LGSN: variants seen among roughly 807,000 people sequenced by gnomAD.
The protein encoded by LGSN is lengsin.
A neutral mutation model predicts 19.5 loss-of-function variants in LGSN; 21 were observed. The ratio of observed to expected loss-of-function variants is 1.07; its 90% CI spans 0.76 to 1.55. The LOEUF is 1.55. Ranked by LOEUF, LGSN falls within the 40% of genes most tolerant of loss-of-function variation. The probability of loss-of-function intolerance (pLI) is 0.00; values close to 1 mark genes in which losing one functional copy is unlikely to be tolerated. For missense variants in LGSN, 673 were observed against 608.5 expected, an observed-to-expected ratio of 1.11 and a Z score of -1.12; for synonymous variants, 257 against 215.6, an observed-to-expected ratio of 1.19 and a Z score of -1.68.
chr6:63,412,461 A>G, the LGSN span, among the ~76,000 whole-genome samples: 117 of 131,324 alleles, frequency 8.9e-4, 2 homozygotes, highest in Middle Eastern at 3.8e-3. Context: ...AAAGAAAGAA[A>G]GAAAAAGAGA....
intron 1 of LGSN, among the ~76,000 whole-genome samples, chr6:63,310,111 G>A (rs1418241264): frequency 6.6e-6 from 1 of 152,102 alleles, no homozygotes; most frequent in African/African-American, 2.4e-5. Context: ...TACAAAACTA[G>A]TTTTATCATT....
At chr6:63,484,518 C>T in the LGSN span, among the ~76,000 whole-genome samples, 6 of 151,550 alleles carry the variant, frequency 4.0e-5, no homozygotes, top group Non-Finnish European at 1.5e-5. Flanking sequence ...AGCCAGACTC[C>T]GTCTCAAAAA....
At chr6:63,359,250 A>G in the LGSN span, among the ~76,000 whole-genome samples, 1 of 151,926 alleles carries the variant, frequency 6.6e-6, no homozygotes, top group Non-Finnish European at 1.5e-5. Context: ...TTTTATTGAG[A>G]ATTTTTGCAC....
At chr6:63,334,373 C>CA in the LGSN span, among the ~76,000 whole-genome samples, 117 of 151,630 alleles carry the variant, frequency 7.7e-4, 3 homozygotes, top group South Asian at 0.02. Context: ...ACAATAGCTA[C>CA]AAAAAAAACT....
chr6:63,354,553 A>G, the LGSN span, among the ~76,000 whole-genome samples: 2 of 152,202 alleles, frequency 1.3e-5, no homozygotes, highest in Non-Finnish European at 2.9e-5. Context: ...GGGAATGTAA[A>G]TTAGTACAGC....
upstream of LGSN, among the ~76,000 whole-genome samples, chr6:63,322,044 A>G (rs1204964810): frequency 2.0e-5 from 3 of 152,230 alleles, no homozygotes; most frequent in Non-Finnish European, 4.4e-5. Context: ...TTTCATGAGA[A>G]CAGATTGCAG....
chr6:63,393,354 T>G, the LGSN span, among the ~76,000 whole-genome samples: 16 of 152,022 alleles, frequency 1.1e-4, 1 homozygote, highest in East Asian at 3.1e-3. Context: ...TTTTTTTGTA[T>G]TTTTAGTAGA....
At chr6:63,521,231 A>C in the LGSN span, among the ~76,000 whole-genome samples, 1 of 152,200 alleles carries the variant, frequency 6.6e-6, no homozygotes, top group African/African-American at 2.4e-5. Flanking sequence ...AAGTAAAATA[A>C]AAGAAAAAAA....
chr6:63,502,963 C>G, the LGSN span, among the ~76,000 whole-genome samples: 1 of 152,144 alleles, frequency 6.6e-6, no homozygotes, highest in East Asian at 1.9e-4. Flanking sequence ...ATTAATCAAT[C>G]GATGTCAGAT....
chr6:63,479,232 G>A, the LGSN span, among the ~76,000 whole-genome samples: 1 of 152,148 alleles, frequency 6.6e-6, no homozygotes, highest in African/African-American at 2.4e-5. Context: ...AAGCGTATCA[G>A]CAAGGGAGAC....
the LGSN span, among the ~76,000 whole-genome samples, chr6:63,418,931 G>C: frequency 2.0e-5 from 3 of 150,646 alleles, no homozygotes; most frequent in Non-Finnish European, 3.0e-5. Flanking sequence ...AGCATGAGGG[G>C]AACTTTGACT....
the LGSN span, among the ~76,000 whole-genome samples, chr6:63,484,260 T>C: frequency 5.9e-5 from 9 of 152,306 alleles, no homozygotes; most frequent in East Asian, 1.5e-3. Context: ...CCCAGCACTT[T>C]AGGAGGCCAA....
the LGSN span, among the ~76,000 whole-genome samples, chr6:63,490,657 A>C: frequency 6.6e-6 from 1 of 151,888 alleles, no homozygotes; most frequent in Admixed American, 6.6e-5. Flanking sequence ...GCTCACTGCA[A>C]CCTCTGTCTC....
At chr6:63,400,653 C>T in the LGSN span, among the ~76,000 whole-genome samples, 2 of 152,172 alleles carry the variant, frequency 1.3e-5, no homozygotes, top group African/African-American at 2.4e-5. Context: ...ATCAAACTGG[C>T]ATCATTGTTC....
the LGSN span, among the ~76,000 whole-genome samples, chr6:63,386,671 G>A: frequency 9.2e-5 from 14 of 152,196 alleles, no homozygotes; most frequent in African/African-American, 2.9e-4. Flanking sequence ...CAACATTGAA[G>A]TTCAACAAAA....
the LGSN span, chr6:63,480,567 A>G: frequency 6.5e-6 from 1 of 152,758 alleles, no homozygotes; most frequent in African/African-American, 2.4e-5. Flanking sequence ...TCATCTCACT[A>G]GATGTGAAAC....
At chr6:63,316,094 G>C (rs1373331464) in intron 1 of LGSN, among the ~76,000 whole-genome samples, 1 of 152,042 alleles carries the variant, frequency 6.6e-6, no homozygotes, top group Non-Finnish European at 1.5e-5. Flanking sequence ...CCAAATGTCA[G>C]GGTCAACCTG....
At chr6:63,412,478 A>AG in the LGSN span, among the ~76,000 whole-genome samples, 24 of 131,418 alleles carry the variant, frequency 1.8e-4, no homozygotes, top group South Asian at 5.5e-3. Context: ...GAGAGAGAAG[A>AG]AAGAGAAGAA....
At chr6:63,551,153 C>T in the LGSN span, among the ~76,000 whole-genome samples, 55 of 152,116 alleles carry the variant, frequency 3.6e-4, 1 homozygote, top group Admixed American at 3.6e-3. Flanking sequence ...GCAACCTCTG[C>T]TTTCCAGGTT....
Sources: gnomAD v4.1 joint callset for allele counts (sites outside exome capture counted in the v4.1 genomes callset) on GRCh38, gnomAD v4.1.1 for gene constraint, MANE v1.5 for transcripts, NCBI Gene and HGNC (gene_info 2026-07-23, HGNC 2026-07-21) for gene names.